Variants in ZNF804A observed in about 807,000 individuals in gnomAD.
ZNF804A encodes zinc finger protein 804A.
Under a neutral mutation model 16.5 loss-of-function variants are expected in ZNF804A, and 2 were observed. That is an observed-to-expected ratio of 0.12 (90% CI 0.05 to 0.38). The LOEUF (loss-of-function observed/expected upper bound fraction) is 0.38. Ranked by LOEUF, ZNF804A falls within the 10% of genes least tolerant of loss-of-function variation. The pLI, the probability that ZNF804A is intolerant of heterozygous loss-of-function variation, is 0.99. For missense variants in ZNF804A, 1,473 were observed against 1,390.7 expected, an observed-to-expected ratio of 1.06 and a Z score of -0.94; for synonymous variants, 534 against 489.6, an observed-to-expected ratio of 1.09 and a Z score of -1.20.
intron 2 of ZNF804A, among the ~76,000 whole-genome samples, chr2:184,871,277 A>G (rs975589567): frequency 1.3e-5 from 2 of 151,882 alleles, no homozygotes; most frequent in African/African-American, 4.8e-5. Context: ...GTGAAATTGA[A>G]TGAAGAGTAG....
At chr2:184,919,578 G>C (rs920730216) in intron 2 of ZNF804A, among the ~76,000 whole-genome samples, 4 of 152,160 alleles carry the variant, frequency 2.6e-5, no homozygotes, top group Non-Finnish European at 5.9e-5. Flanking sequence ...ACGTCTTCCT[G>C]TTTTTCTCCC....
intron 1 of ZNF804A, among the ~76,000 whole-genome samples, chr2:184,715,761 T>C (rs1474523379): frequency 6.6e-6 from 1 of 152,140 alleles, no homozygotes. Context: ...TCTATAACTT[T>C]ATCAATTTTT....
chr2:184,777,049 T>C (rs938249743), intron 1 of ZNF804A, among the ~76,000 whole-genome samples: 1 of 151,618 alleles, frequency 6.6e-6, no homozygotes, highest in African/African-American at 2.4e-5. Flanking sequence ...ACTTCTTGAA[T>C]CTAATGATTA....
intron 2 of ZNF804A, among the ~76,000 whole-genome samples, chr2:184,879,077 A>G (rs529818382): frequency 3.9e-5 from 6 of 152,154 alleles, no homozygotes; most frequent in Admixed American, 3.9e-4. Flanking sequence ...CTATACTACT[A>G]CAAACAAAAT....
At chr2:184,820,661 G>GA (rs1198770065) in intron 1 of ZNF804A, among the ~76,000 whole-genome samples, 1 of 151,992 alleles carries the variant, frequency 6.6e-6, no homozygotes, top group Non-Finnish European at 1.5e-5. Context: ...CCTATATATA[G>GA]AAAATCCCAT....
intron 2 of ZNF804A, among the ~76,000 whole-genome samples, chr2:184,910,664 C>T (rs1685342269): frequency 6.6e-6 from 1 of 151,970 alleles, no homozygotes; most frequent in South Asian, 2.1e-4. Flanking sequence ...AAGTAATAGC[C>T]ATTCTGACTG....
rs1685838446 is a variant in ZNF804A, at chr2:184,938,646, T to C, written c.3250T>C (p.Leu1084=). The C allele has an allele frequency of 1.2e-6, 2 of 1,613,880 alleles. No individual in the cohort carries two copies. Among genetic ancestry groups the C allele is most frequent in the African/African-American group, 2.7e-5 (2 of 74,892 alleles). ...ACCCCCTAGCACACCTCTGCAGCCT[T>C]TGCCTTTGCAGCAGTCCTTATGTTC... The part of the protein sequence containing the change: ...LPPPSTPLQP[L]PLQQSLCSTS... The change falls in exon 4 of 4, where the codon TTG becomes CTG. Residue 1084 remains leucine (L), a synonymous_variant. Coordinates refer to ENST00000302277, the MANE Select transcript of ZNF804A (RefSeq NM_194250.2).
intron 2 of ZNF804A, among the ~76,000 whole-genome samples, chr2:184,893,899 A>G (rs1414508549): frequency 1.3e-5 from 2 of 152,116 alleles, no homozygotes; most frequent in Admixed American, 6.6e-5. Flanking sequence ...TGATTCTGTA[A>G]CTCCATACTT....
In ZNF804A at chr2:184,853,428, T is replaced by C. The variant is rs1260326362; in HGVS notation, c.112-12941T>C. ...ATTGTATGGATAGGACTTCCAATAC[T>C]ATGTTGAACAGTTGTGGTAGGAATC... is the stretch of plus-strand genomic sequence containing the variant. On this transcript the variant is annotated intron_variant, in intron 1 of 3. Coordinates refer to ENST00000302277, the MANE Select transcript of ZNF804A (RefSeq NM_194250.2). Among the ~76,000 whole-genome samples the C allele has an allele frequency of 2.0e-5, 3 of 151,876 alleles. 1 individual carries two copies. Among genetic ancestry groups the C allele is most frequent in the African/African-American group, 7.2e-5 (3 of 41,426 alleles).
At chr2:184,852,105 T>C (rs1408768021) in intron 1 of ZNF804A, among the ~76,000 whole-genome samples, 2 of 151,882 alleles carry the variant, frequency 1.3e-5, no homozygotes, top group African/African-American at 2.4e-5. Context: ...AAATTTATGA[T>C]TGAAAATACA....
chr2:184,746,505 G>A (rs1693791990), intron 1 of ZNF804A, among the ~76,000 whole-genome samples: 1 of 150,990 alleles, frequency 6.6e-6, no homozygotes, highest in South Asian at 2.1e-4. Flanking sequence ...GGGTGAATGG[G>A]GTATAAATCA....
chr2:184,886,194 A>G (rs1053459633), intron 2 of ZNF804A, among the ~76,000 whole-genome samples: 3 of 152,162 alleles, frequency 2.0e-5, no homozygotes, highest in Non-Finnish European at 4.4e-5. Flanking sequence ...AGGCCCGTGC[A>G]AATCTTAAAT....
chr2:184,909,703 T>C (rs1685327633), intron 2 of ZNF804A, among the ~76,000 whole-genome samples: 1 of 152,036 alleles, frequency 6.6e-6, no homozygotes. Flanking sequence ...AAATGAGATT[T>C]GTATTCAATA....
chr2:184,892,088 G>A (rs1351472008), intron 2 of ZNF804A, among the ~76,000 whole-genome samples: 1 of 152,110 alleles, frequency 6.6e-6, no homozygotes, highest in Non-Finnish European at 1.5e-5. Flanking sequence ...GCAGGAACTT[G>A]CCTTACTTCT....
chr2:184,758,584 T>C (rs1693994238), intron 1 of ZNF804A, among the ~76,000 whole-genome samples: 6 of 151,992 alleles, frequency 3.9e-5, no homozygotes, highest in Admixed American at 3.9e-4. Flanking sequence ...TACAAAGTTA[T>C]AAGTAATTTA....
intron 1 of ZNF804A, among the ~76,000 whole-genome samples, chr2:184,724,613 CTG>C (rs887965361): frequency 1.7e-4 from 26 of 151,638 alleles, no homozygotes; most frequent in African/African-American, 6.3e-4. Context: ...AATAGTCACT[CTG>C]TTATTGGCAA....
At chr2:184,884,471 A>G (rs1684856182) in intron 2 of ZNF804A, among the ~76,000 whole-genome samples, 1 of 152,218 alleles carries the variant, frequency 6.6e-6, no homozygotes, top group South Asian at 2.1e-4. Flanking sequence ...ATATGGAGCC[A>G]AACAAGAGCC....
chr2:184,696,972 T>G (rs1168482247), intron 1 of ZNF804A, among the ~76,000 whole-genome samples: 1 of 151,948 alleles, frequency 6.6e-6, no homozygotes, highest in Non-Finnish European at 1.5e-5. Flanking sequence ...TTATTAATAT[T>G]TTTATATTTT....
chr2:184,716,835 A>G (rs749752510), intron 1 of ZNF804A, among the ~76,000 whole-genome samples: 2 of 152,188 alleles, frequency 1.3e-5, no homozygotes, highest in Non-Finnish European at 2.9e-5. Context: ...AAAAATATTC[A>G]AGATTATAAC....
Sources: allele counts gnomAD v4.1 joint callset (sites outside exome capture counted in the v4.1 genomes callset), GRCh38; gene constraint gnomAD v4.1.1; transcripts MANE v1.5; gene names NCBI Gene and HGNC (gene_info 2026-07-23, HGNC 2026-07-21).